Variants in MTSS2 observed in about 807,000 individuals in gnomAD.
MTSS2 encodes protein MTSS 2.
Under a neutral mutation model 67.1 loss-of-function variants are expected in MTSS2, and 27 were observed. The ratio of observed to expected loss-of-function variants is 0.40; its 90% CI spans 0.30 to 0.55. The LOEUF (loss-of-function observed/expected upper bound fraction) is 0.55, where lower values mean the gene tolerates loss of function less well. Among genes scored for constraint, MTSS2 ranks in the 20% least tolerant of loss-of-function variants. MTSS2 has a pLI of 0.43. For synonymous variants in MTSS2, 624 were observed against 468.6 expected (o/e 1.33, Z -4.28); for missense variants, 1,171 against 1,067.8 (o/e 1.10, Z -1.35).
rs1429003209 is a variant in MTSS2, at chr16:70,685,667, C to A, written c.69+56G>T. The A allele has an allele frequency of 7.0e-5, 77 of 1,102,344 alleles. 1 individual carries two copies. In the East Asian group the frequency reaches 4.2e-3, roughly 59 times the overall value. The allele number at this position is 1,102,344 out of a possible 1,614,324, so 68.3% of individuals were successfully genotyped here. ...GGCTCGGCCACCCGCCGCCACGCGT[C>A]CCCGGGGGGTCCCGCACCCGTCGCC... On this transcript the variant is annotated intron_variant, in intron 1 of 14. Transcript: ENST00000338779.
At chr16:70,672,290 T>G (rs2052962977) in intron 11 of MTSS2, among the ~76,000 whole-genome samples, 1 of 136,212 alleles carries the variant, frequency 7.3e-6, no homozygotes, top group South Asian at 2.2e-4. Context: ...GAGGTTGCAG[T>G]GAGCCGAGAT....
rs2053383068 is a variant in MTSS2 at position 70,684,064 on chromosome 16, C to T, written c.69+1659G>A. ...TTCCTTCTGTCTCATCCCAAAGTTC[C>T]TTGCAAATTGGCTGGAGAGGGAGAG... On this transcript the variant is annotated intron_variant, in intron 1 of 14. Transcript: ENST00000338779. 3.3e-5 allele frequency among the ~76,000 whole-genome samples: 5 copies of T among 152,356 alleles called. No individual in the cohort carries two copies. The South Asian group carries it at 1.0e-3, about 32-fold the overall frequency.
intron 8 of MTSS2, among the ~76,000 whole-genome samples, 153 bp from the exon 9 acceptor site, chr16:70,678,052 C>T (rs974104479): frequency 3.9e-5 from 6 of 152,258 alleles, no homozygotes; most frequent in Admixed American, 2.6e-4. Context: ...GTGGGGCCCA[C>T]ACAGCCCAGA....
In MTSS2 at chr16:70,678,349, A is replaced by C. The variant is rs944174541; in HGVS notation, c.527T>G (p.Leu176Arg). The part of the protein sequence containing the change: ...SALQDVNDMY[L>R]LLEETEKQAV... ...CTGCTTCTCCGTCTCCTCCAGCAGC[A>C]GGTACATGTCGTTGACGTCCTGCAG... The change falls in exon 8 of 15, where the codon CTG becomes CGG. Residue 176 changes from leucine to arginine, a missense_variant. By Grantham distance (102) the Leu-to-Arg change is moderately radical. Around this residue, in one of 2 missense-constraint regions of MTSS2, gnomAD observed 247 missense variants for 311.8 expected, o/e 0.79. Coordinates refer to ENST00000338779, the MANE Select transcript of MTSS2 (RefSeq NM_138383.3). 2 of 1,612,906 alleles carry C rather than the reference A, an allele frequency of 1.2e-6. No homozygotes were observed. The highest frequency in any genetic ancestry group is 2.7e-5 in the African/African-American group (2 of 74,956).
chr16:70,678,473 G>A, intron 7 of MTSS2, 64 bp from the exon 8 acceptor site: 1 of 1,554,724 alleles, frequency 6.4e-7, no homozygotes, highest in Non-Finnish European at 8.7e-7. Context: ...ACCCACAAAT[G>A]GGCTCAGACC....
intron 11 of MTSS2, among the ~76,000 whole-genome samples, chr16:70,673,330 A>G (rs1432048204): frequency 6.6e-6 from 1 of 152,226 alleles, no homozygotes; most frequent in African/African-American, 2.4e-5. Flanking sequence ...AGAGACTCAG[A>G]TTCCTCAGAA....
intron 11 of MTSS2, among the ~76,000 whole-genome samples, chr16:70,667,944 G>C (rs755234188): frequency 3.3e-5 from 5 of 150,982 alleles, no homozygotes; most frequent in Non-Finnish European, 7.4e-5. Flanking sequence ...AACAAACAGA[G>C]GGATATCTGC....
chr16:70,661,725 C>T lies in MTSS2; in HGVS notation c.*1952G>A, dbSNP rs373600436. ...TCACAGGGGAGGGGGACGGCGGAGT[C>T]GGTGGGGGCTGTGCCACACGAGCCC... is the stretch of plus-strand genomic sequence containing the variant. On this transcript the variant is annotated 3_prime_UTR_variant, in exon 15 of 15. Coordinates refer to ENST00000338779, the MANE Select transcript of MTSS2 (RefSeq NM_138383.3). The T allele has an allele frequency of 4.6e-3, 1,042 of 224,568 alleles. 2 individuals are homozygous for T. Among genetic ancestry groups the T allele is most frequent in the Non-Finnish European group, 7.4e-3 (831 of 112,682 alleles). 13.9% of individuals were successfully genotyped at this position (224,568 alleles called of 1,614,324 possible). A position where few individuals can be genotyped will look rare whatever the true frequency, so the allele number is the denominator to read the frequency against.
At chr16:70,672,369 G>C (rs1258373261) in intron 11 of MTSS2, among the ~76,000 whole-genome samples, 2 of 142,238 alleles carry the variant, frequency 1.4e-5, no homozygotes, top group African/African-American at 5.2e-5. Context: ...AAAAGGAAAA[G>C]AGAAAAACCC....
At position 70,677,755 on chromosome 16, in the gene MTSS2, C is replaced by CCCCTGG. The variant is rs777599582; in HGVS notation, c.732+31_732+36dup. 5.9e-5 allele frequency: 91 copies of CCCCTGG among 1,534,334 alleles called. 1 individual carries two copies. The Admixed American group carries it at 1.6e-3, about 26-fold the overall frequency. On this transcript the variant is annotated intron_variant, in intron 9 of 14. Transcript: ENST00000338779. ...CCTAGGGCAGCCCATCTCCTCCCTG[C>CCCCTGG]CCCTGGCCCTGGCCCTTGGCCAGAG...
chr16:70,684,693 C>T (rs2053400840), intron 1 of MTSS2, among the ~76,000 whole-genome samples: 1 of 152,154 alleles, frequency 6.6e-6, no homozygotes, highest in South Asian at 2.1e-4. Flanking sequence ...TTCTCCCAGC[C>T]CCCAAATCCT....
chr16:70,680,051 G>A lies in MTSS2; in HGVS notation c.210C>T (p.Ala70=). ...VADMATNTRG[A]TRDIGSALTR... The stretch of plus-strand genomic sequence containing the variant: ...TGAGCGCCGAGCCGATGTCCCTCGT[G>A]GCCCCTGGCGAGGCAAGCGCGGGGT... Residue 70 remains alanine (A), a synonymous_variant, in exon 4 of 15, where the codon GCC becomes GCT. Coordinates refer to ENST00000338779, the MANE Select transcript of MTSS2 (RefSeq NM_138383.3). The A allele has an allele frequency of 6.6e-7, 1 of 1,522,348 alleles. No homozygotes were observed. The highest frequency in any genetic ancestry group is 8.7e-7 in the Non-Finnish European group (1 of 1,142,984). 94.3% of individuals were successfully genotyped at this position (1,522,348 alleles called of 1,614,324 possible).
Position 70,681,040 on chromosome 16 carries a change from G to A in MTSS2, c.70-15C>T, listed in dbSNP as rs752126397. The A allele has an allele frequency of 2.5e-6, 4 of 1,605,166 alleles. No individual in the cohort carries two copies. Among genetic ancestry groups the A allele is most frequent in the Non-Finnish European group, 3.4e-6 (4 of 1,176,770 alleles). On this transcript the variant is annotated splice_polypyrimidine_tract_variant and intron_variant, in intron 1 of 14. Transcript: ENST00000338779. ...GGGTAGGAGCTCTGCCGGGCAAATG[G>A]GAGAGAAAGTGAGCTTCTTGTGGGG...
chr16:70,679,284 G>C (rs1567503909), intron 7 of MTSS2, 31 bp downstream of exon 7: 1 of 1,613,294 alleles, frequency 6.2e-7, no homozygotes, highest in Non-Finnish European at 8.5e-7. Context: ...AGGACGGGAG[G>C]AGCAGCTGGA....
At chr16:70,669,386 A>G (rs1423487346) in intron 11 of MTSS2, among the ~76,000 whole-genome samples, 1 of 152,236 alleles carries the variant, frequency 6.6e-6, no homozygotes, top group Non-Finnish European at 1.5e-5. Context: ...ACGGTCTTTA[A>G]AGGTATGAAA....
chr16:70,674,601 C>T (rs1413781216), intron 10 of MTSS2, 73 bp from the exon 11 acceptor site: 1 of 1,349,192 alleles, frequency 7.4e-7, no homozygotes, highest in East Asian at 2.4e-5. Context: ...GGGAGGTTGA[C>T]AAACGAGGGT....
chr16:70,666,717 T>C (rs2052727537), intron 11 of MTSS2, among the ~76,000 whole-genome samples: 1 of 152,130 alleles, frequency 6.6e-6, no homozygotes, highest in Non-Finnish European at 1.5e-5. Context: ...AATATGACGG[T>C]TAAAGTAAAA....
chr16:70,676,986 G>A lies in MTSS2; in HGVS notation c.733-8C>T. The A allele has an allele frequency of 6.2e-7, 1 of 1,611,590 alleles. No individual in the cohort carries two copies. The highest frequency in any genetic ancestry group is 1.3e-5 in the African/African-American group (1 of 74,986). ...CTTTAGGTCTTTGATTACCTGGACA[G>A]GGACATGGATGGGGGTCACTGGAGG... On this transcript the variant is annotated splice_region_variant and splice_polypyrimidine_tract_variant and intron_variant, in intron 9 of 14. Coordinates refer to ENST00000338779, the MANE Select transcript of MTSS2 (RefSeq NM_138383.3).
chr16:70,664,063 C>T lies in MTSS2; in HGVS notation c.1858G>A (p.Asp620Asn), dbSNP rs776065067. ...GGTGCCAGGGGTGAGGCGGTCTCGT[C>T]GGTATAGAAGACGCACTCCTCACTG... ...AGSEECVFYT[D>N]ETASPLAPDL... Residue 620 changes from aspartate (D) to asparagine (N), a missense_variant, in exon 15 of 15, where the codon GAC (aspartate) becomes AAC (asparagine). Around this residue, in one of 2 missense-constraint regions of MTSS2, gnomAD observed 924 missense variants for 756.0 expected, o/e 1.22. Coordinates refer to ENST00000338779, the MANE Select transcript of MTSS2 (RefSeq NM_138383.3). 2.0e-5 allele frequency: 33 copies of T among 1,611,092 alleles called. No homozygotes were observed. In the Admixed American group the frequency reaches 2.2e-4, roughly 11 times the overall value.
Sources: gnomAD v4.1 joint callset for allele counts (sites outside exome capture counted in the v4.1 genomes callset) on GRCh38, gnomAD v4.1.1 for gene constraint, gnomAD v4.1.1 regional missense constraint, MANE v1.5 for transcripts, NCBI Gene and HGNC (gene_info 2026-07-23, HGNC 2026-07-21) for gene names.